Variants in STAP1 observed in about 807,000 individuals in gnomAD.
STAP1 encodes the protein signal-transducing adaptor protein 1.
In STAP1, 30 loss-of-function variants were observed where a neutral mutation model predicts 37.8. The ratio of observed to expected loss-of-function variants is 0.79; its 90% CI spans 0.59 to 1.08. The LOEUF is 1.08. Ranked by LOEUF, STAP1 falls within the 50% of genes least tolerant of loss-of-function variation. STAP1 has a pLI of 0.00. For missense variants in STAP1, 357 were observed against 349.4 expected (o/e 1.02, Z -0.17); for synonymous variants, 130 against 116.0 (o/e 1.12, Z -0.78).
At chr4:67,559,588 A>C (rs1430919501) in intron 1 of STAP1, among the ~76,000 whole-genome samples, 1 of 152,110 alleles carries the variant, frequency 6.6e-6, no homozygotes, top group African/African-American at 2.4e-5. Flanking sequence ...TAATAATTAA[A>C]ACTTATAGTT....
At chr4:67,593,019 A>G (rs1299987888) in intron 7 of STAP1, among the ~76,000 whole-genome samples, 1 of 152,206 alleles carries the variant, frequency 6.6e-6, no homozygotes, top group African/African-American at 2.4e-5. Context: ...AGAGCAAGGT[A>G]CCTAACTATT....
intron 2 of STAP1, among the ~76,000 whole-genome samples, chr4:67,571,773 G>A (rs1727611536): frequency 6.6e-6 from 1 of 152,142 alleles, no homozygotes; most frequent in African/African-American, 2.4e-5. Flanking sequence ...GACTTTATGA[G>A]CCAGTAACTT....
chr4:67,567,895 G>A (rs114708652), intron 1 of STAP1, among the ~76,000 whole-genome samples: 5,747 of 152,282 alleles, frequency 0.038, 155 homozygotes, highest in Non-Finnish European at 0.044. Flanking sequence ...CAGAAAGGCC[G>A]TCAGCCAACC....
intron 6 of STAP1, among the ~76,000 whole-genome samples, chr4:67,585,989 G>T (rs1727971584): frequency 6.6e-6 from 1 of 152,146 alleles, no homozygotes; most frequent in African/African-American, 2.4e-5. Context: ...ATTTTTAATA[G>T]AAACATAATC....
chr4:67,590,745 ATTTTT>A (rs66493617), intron 6 of STAP1, 134 bp from the exon 7 acceptor site: 234 of 209,104 alleles, frequency 1.1e-3, no homozygotes, highest in East Asian at 2.3e-3. Context: ...ACCACGAAGG[ATTTTT>A]TTTTTTTTTT....
intron 7 of STAP1, among the ~76,000 whole-genome samples, chr4:67,592,966 G>A (rs186659573): frequency 1.3e-5 from 2 of 152,310 alleles, no homozygotes; most frequent in Admixed American, 1.3e-4. Flanking sequence ...TTACAGGTGT[G>A]AGCCACCACA....
chr4:67,583,366 G>C (rs754939760), intron 5 of STAP1, among the ~76,000 whole-genome samples: 6 of 152,140 alleles, frequency 3.9e-5, no homozygotes, highest in Admixed American at 6.5e-5. Flanking sequence ...GAAGAATTAA[G>C]GAAGGAAGAC....
At chr4:67,559,593 ATAGT>A (rs1727288235) in intron 1 of STAP1, among the ~76,000 whole-genome samples, 1 of 152,098 alleles carries the variant, frequency 6.6e-6, no homozygotes, top group Middle Eastern at 3.3e-3. Context: ...ATTAAAACTT[ATAGT>A]TAGTTAAAAT....
At chr4:67,603,506 T>C (rs370832407) in intron 8 of STAP1, among the ~76,000 whole-genome samples, 2 of 151,946 alleles carry the variant, frequency 1.3e-5, no homozygotes, top group African/African-American at 4.8e-5. Context: ...CCAGCACAGC[T>C]CTGGGTCTCA....
At position 67,559,540 on chromosome 4, in the gene STAP1, T is replaced by G. The variant is rs576258349; in HGVS notation, c.120+611T>G. Among the ~76,000 whole-genome samples, 13 of 152,220 alleles carry G rather than the reference T, an allele frequency of 8.5e-5. No individual in the cohort carries two copies. The East Asian group carries it at 2.1e-3, about 25-fold the overall frequency. ...CACTAAGCTACATAAATACCTTTGC[T>G]CTAAGAAAATCCATGAAGCATTCTG... On this transcript the variant is annotated intron_variant, in intron 1 of 8. Coordinates refer to ENST00000265404, the MANE Select transcript of STAP1 (RefSeq NM_012108.4).
chr4:67,594,876 T>A (rs991806439), intron 8 of STAP1, among the ~76,000 whole-genome samples: 10 of 152,188 alleles, frequency 6.6e-5, no homozygotes, highest in Non-Finnish European at 1.5e-4. Flanking sequence ...TTTGCCCATA[T>A]TTTTATTGGG....
chr4:67,579,349 C>G (rs983592177), intron 4 of STAP1, among the ~76,000 whole-genome samples: 1 of 152,134 alleles, frequency 6.6e-6, no homozygotes, highest in African/African-American at 2.4e-5. Context: ...ATCAAATAAA[C>G]CCCAGTTTGG....
chr4:67,593,841 T>C (rs1323680885), intron 8 of STAP1, among the ~76,000 whole-genome samples: 2 of 152,168 alleles, frequency 1.3e-5, no homozygotes, highest in African/African-American at 2.4e-5. Flanking sequence ...AGAAGTCAGA[T>C]TGCAAAATAA....
chr4:67,569,348 T>C (rs1727546753), intron 1 of STAP1, among the ~76,000 whole-genome samples: 1 of 152,208 alleles, frequency 6.6e-6, no homozygotes, highest in African/African-American at 2.4e-5. Flanking sequence ...TCTGAAGGCC[T>C]AGAATATCAT....
At chr4:67,601,836 G>T (rs354874) in intron 8 of STAP1, among the ~76,000 whole-genome samples, 128,244 of 152,098 alleles carry the variant, frequency 0.84, 55,390 homozygotes, top group Non-Finnish European at 0.94. Flanking sequence ...TTCTTTGAGT[G>T]AAATCTGCTT....
intron 8 of STAP1, among the ~76,000 whole-genome samples, chr4:67,596,070 G>C (rs1440325890): frequency 6.6e-6 from 1 of 152,254 alleles, no homozygotes; most frequent in East Asian, 1.9e-4. Context: ...TGGTTTGGCT[G>C]TTTTCCCACC....
chr4:67,589,599 T>C (rs1307385843), intron 6 of STAP1, among the ~76,000 whole-genome samples: 1 of 152,188 alleles, frequency 6.6e-6, no homozygotes, highest in Non-Finnish European at 1.5e-5. Context: ...GCTTAATTAG[T>C]GTGTCATTCA....
Position 67,577,271 on chromosome 4 carries a change from A to T in STAP1, c.363+12A>T. ...TTACAGTAACAGAGGTAGGAAGCTC[A>T]CTGCTTTTGATTGATTCTTTTTTTT... On this transcript the variant is annotated intron_variant, in intron 4 of 8. Coordinates refer to ENST00000265404, the MANE Select transcript of STAP1 (RefSeq NM_012108.4). 6.3e-7 allele frequency: 1 copy of T among 1,592,382 alleles called. No homozygotes were observed. Among genetic ancestry groups the T allele is most frequent in the Non-Finnish European group, 8.5e-7 (1 of 1,171,054 alleles).
At chr4:67,588,341 A>AGACGAC (rs35696741) in intron 6 of STAP1, among the ~76,000 whole-genome samples, 20 of 146,878 alleles carry the variant, frequency 1.4e-4, no homozygotes, top group African/African-American at 3.2e-4. Flanking sequence ...GCTTTGCCAT[A>AGACGAC]GACGACGACG....
Sources: allele counts gnomAD v4.1 joint callset (sites outside exome capture counted in the v4.1 genomes callset), GRCh38; gene constraint gnomAD v4.1.1; transcripts MANE v1.5; gene names NCBI Gene and HGNC (gene_info 2026-07-23, HGNC 2026-07-21).